Variants in ULK4 observed in about 807,000 individuals in gnomAD.
ULK4 encodes unc-51 like kinase 4.
In ULK4, 133 loss-of-function variants were observed where a neutral mutation model predicts 160.6. That is an observed-to-expected ratio of 0.83 (90% CI 0.72 to 0.96). The LOEUF is 0.96. Ranked by LOEUF, ULK4 falls within the 40% of genes least tolerant of loss-of-function variation. The pLI is 0.00. For missense variants in ULK4, 1,580 were observed against 1,499.5 expected, an observed-to-expected ratio of 1.05 and a Z score of -0.89; for synonymous variants, 534 against 539.8, an observed-to-expected ratio of 0.99 and a Z score of 0.15.
intron 18 of ULK4, among the ~76,000 whole-genome samples, chr3:41,832,477 C>T (rs1374608654): frequency 2.6e-5 from 4 of 152,154 alleles, no homozygotes; most frequent in Admixed American, 2.0e-4. Flanking sequence ...AATTTTCTCC[C>T]ATTCTGTAGG....
chr3:41,682,418 T>C (rs752293034), intron 27 of ULK4, among the ~76,000 whole-genome samples: 1 of 152,360 alleles, frequency 6.6e-6, no homozygotes, highest in South Asian at 2.1e-4. Context: ...TCCAGTCTAA[T>C]GATGAAAACT....
intron 19 of ULK4, among the ~76,000 whole-genome samples, chr3:41,813,862 G>C (rs565531967): frequency 4.6e-5 from 7 of 152,312 alleles, no homozygotes; most frequent in African/African-American, 1.7e-4. Flanking sequence ...ATCTCACTAT[G>C]AATCTAATAC....
At chr3:41,874,610 G>C (rs962585649) in intron 17 of ULK4, among the ~76,000 whole-genome samples, 2 of 152,184 alleles carry the variant, frequency 1.3e-5, no homozygotes, top group Non-Finnish European at 2.9e-5. Flanking sequence ...CTCAGGAATA[G>C]AAATCCAAAT....
chr3:41,691,941 TTC>T lies in ULK4; in HGVS notation c.2782-10139_2782-10138del, dbSNP rs1181583941. ...CTAAAAATTATCTTCATCAAATCAC[TTC>T]TTTTTTTTTTTTTTTTTTTTTTTTT... On this transcript the variant is annotated intron_variant, in intron 27 of 36. Coordinates refer to ENST00000301831, the MANE Select transcript of ULK4 (RefSeq NM_017886.4). Among the ~76,000 whole-genome samples the T allele has an allele frequency of 1.6e-3, 233 of 141,326 alleles. 2 individuals are homozygous for T. The highest frequency in any genetic ancestry group is 7.2e-3 in the Middle Eastern group (2 of 278). 92.7% of individuals were successfully genotyped at this position (141,326 alleles called of 152,430 possible).
chr3:41,726,922 A>G (rs2037672012), intron 22 of ULK4, among the ~76,000 whole-genome samples: 1 of 152,226 alleles, frequency 6.6e-6, no homozygotes, highest in Non-Finnish European at 1.5e-5. Context: ...TGCTGGGATT[A>G]CAGGCATGAG....
intron 35 of ULK4, among the ~76,000 whole-genome samples, chr3:41,357,884 G>T (rs1381354788): frequency 6.6e-6 from 1 of 152,116 alleles, no homozygotes; most frequent in African/African-American, 2.4e-5. Flanking sequence ...CGTGTGCTGG[G>T]CACTGCTCTA....
At chr3:41,815,210 T>C (rs976218109) in intron 19 of ULK4, among the ~76,000 whole-genome samples, 18 of 152,186 alleles carry the variant, frequency 1.2e-4, no homozygotes, top group Non-Finnish European at 1.5e-5. Context: ...CTACCCTAAT[T>C]CTGTTTTATA....
rs1405256743 is a variant in ULK4 at position 41,506,765 on chromosome 3, AAAATAT to A, written c.3227-43518_3227-43513del. On this transcript the variant is annotated intron_variant, in intron 32 of 36. Coordinates refer to ENST00000301831, the MANE Select transcript of ULK4 (RefSeq NM_017886.4). ...AAAGCAATACACTGGAGTGTGATTT[AAAATAT>A]ATATATATATATATATATATATATA... 9.6e-4 allele frequency among the ~76,000 whole-genome samples: 10 copies of A among 10,448 alleles called. 1 individual carries two copies. Among genetic ancestry groups the A allele is most frequent in the East Asian group, 6.2e-3 (3 of 482 alleles). 6.9% of individuals were successfully genotyped at this position (10,448 alleles called of 152,430 possible). A position where few individuals can be genotyped will look rare whatever the true frequency, so the allele number is the denominator to read the frequency against.
intron 11 of ULK4, among the ~76,000 whole-genome samples, chr3:41,909,348 T>TA (rs2148800799): frequency 6.6e-6 from 1 of 152,276 alleles, no homozygotes; most frequent in African/African-American, 2.4e-5. Context: ...TCATTAAACA[T>TA]ATACTTACAT....
chr3:41,692,758 T>A (rs969692885), intron 27 of ULK4, among the ~76,000 whole-genome samples: 5 of 152,210 alleles, frequency 3.3e-5, no homozygotes, highest in African/African-American at 1.2e-4. Flanking sequence ...TTTGACAATG[T>A]GCTCTGAAAG....
chr3:41,935,847 T>C lies in ULK4; in HGVS notation c.332A>G (p.His111Arg). The C allele has an allele frequency of 1.9e-6, 3 of 1,613,540 alleles. No homozygotes were observed. Among genetic ancestry groups the C allele is most frequent in the Non-Finnish European group, 1.7e-6 (2 of 1,179,832 alleles). The change falls in exon 4 of 37, where the codon CAT becomes CGT. Residue 111 changes from histidine (H) to arginine (R), a missense_variant. Physicochemically the swap from His to Arg is conservative, Grantham distance 29 (BLOSUM62 0). Coordinates refer to ENST00000301831, the MANE Select transcript of ULK4 (RefSeq NM_017886.4). Reference protein sequence around the residue: ...FGIDLISGLHHLHKLGILFCD... With the variant: ...FGIDLISGLHRLHKLGILFCD... ...AAAGAGAATGCCAAGTTTATGAAGA[T>C]GATGTAATCCACTAATCAGGTCAAT...
intron 18 of ULK4, among the ~76,000 whole-genome samples, chr3:41,830,586 C>A (rs2041544796): frequency 1.3e-5 from 2 of 151,456 alleles, no homozygotes; most frequent in South Asian, 4.2e-4. Flanking sequence ...TATTGTCTAC[C>A]AATTATATCT....
At chr3:41,794,681 A>AAC (rs1368359000) in intron 20 of ULK4, among the ~76,000 whole-genome samples, 13 of 130,222 alleles carry the variant, frequency 1.0e-4, no homozygotes, top group Non-Finnish European at 1.6e-4. Flanking sequence ...AAAAAAAAAA[A>AAC]AAAAACACAG....
intron 32 of ULK4, among the ~76,000 whole-genome samples, chr3:41,525,403 C>G (rs117504641): frequency 1.3e-5 from 2 of 152,188 alleles, no homozygotes; most frequent in African/African-American, 4.8e-5. Flanking sequence ...TCTTCCTGAT[C>G]GGCTCCCCAT....
At position 41,263,729 on chromosome 3, in the gene ULK4, G is replaced by C. The variant is rs536512758; in HGVS notation, c.3679-14155C>G. On this transcript the variant is annotated intron_variant, in intron 35 of 36. Coordinates refer to ENST00000301831, the MANE Select transcript of ULK4 (RefSeq NM_017886.4). Reference sequence around the variant, plus strand: ...CAAATCCTCACACCCAAGGCCCTCAGTCTAGTCAAAGGTGGGCAGAAAAGC... The same window carrying C: ...CAAATCCTCACACCCAAGGCCCTCACTCTAGTCAAAGGTGGGCAGAAAAGC... Among the ~76,000 whole-genome samples the C allele has an allele frequency of 2.0e-5, 3 of 152,310 alleles. No individual in the cohort carries two copies. In the South Asian group the frequency reaches 6.2e-4, roughly 32 times the overall value.
chr3:41,694,570 T>C (rs2036424776), intron 27 of ULK4, among the ~76,000 whole-genome samples: 1 of 152,150 alleles, frequency 6.6e-6, no homozygotes, highest in South Asian at 2.1e-4. Flanking sequence ...TGGGCCTCAG[T>C]ATCTGAGAGA....
intron 31 of ULK4, among the ~76,000 whole-genome samples, chr3:41,571,991 T>C (rs2087993561): frequency 1.3e-5 from 2 of 152,140 alleles, no homozygotes; most frequent in South Asian, 4.1e-4. Context: ...GATAACGTAT[T>C]GAGAACTTAC....
At chr3:41,942,191 A>C (rs1310265302) in intron 2 of ULK4, among the ~76,000 whole-genome samples, 3 of 152,320 alleles carry the variant, frequency 2.0e-5, no homozygotes, top group East Asian at 3.9e-4. Flanking sequence ...AGTATTCTGA[A>C]GACTTCATAC....
chr3:41,547,663 G>A (rs2086910460), intron 32 of ULK4, among the ~76,000 whole-genome samples: 1 of 152,102 alleles, frequency 6.6e-6, no homozygotes, highest in African/African-American at 2.4e-5. Flanking sequence ...CTGCAGAATG[G>A]CATTCTGAGC....
Sources: gnomAD v4.1 joint callset for allele counts (sites outside exome capture counted in the v4.1 genomes callset) on GRCh38, gnomAD v4.1.1 for gene constraint, MANE v1.5 for transcripts, NCBI Gene and HGNC (gene_info 2026-07-23, HGNC 2026-07-21) for gene names.